SURF2: variants seen among roughly 807,000 people sequenced by gnomAD.
SURF2 encodes surfeit locus protein 2.
A neutral mutation model predicts 26.2 loss-of-function variants in SURF2; 32 were observed. That is an observed-to-expected ratio of 1.22 (90% CI 0.92 to 1.64). The LOEUF is 1.64. Ranked by LOEUF, SURF2 falls within the 40% of genes most tolerant of loss-of-function variation. SURF2 has a pLI of 0.00. For missense variants in SURF2, 415 were observed against 341.6 expected (o/e 1.21, Z -1.69); for synonymous variants, 173 against 139.1 (o/e 1.24, Z -1.71).
At position 133,357,700 on chromosome 9, in the gene SURF2, C is replaced by T. The variant is rs143699333; in HGVS notation, c.234-11C>T. On this transcript the variant is annotated splice_polypyrimidine_tract_variant and intron_variant, in intron 2 of 5. Transcript: ENST00000371964. Reference sequence around the variant, plus strand: ...AACTGTCCCTACAAATTTGGTCTCTCTGCTCTGTAGGCACCAGTTGTTCTG... The same window carrying T: ...AACTGTCCCTACAAATTTGGTCTCTTTGCTCTGTAGGCACCAGTTGTTCTG... 2 of 1,613,592 alleles carry T rather than the reference C, an allele frequency of 1.2e-6. No individual in the cohort carries two copies. Among genetic ancestry groups the T allele is most frequent in the African/African-American group, 2.7e-5 (2 of 75,064 alleles).
chr9:133,357,689 A>C, intron 2 of SURF2, 22 bp from the exon 3 acceptor site: 1 of 1,612,280 alleles, frequency 6.2e-7, no homozygotes, highest in South Asian at 1.1e-5. Context: ...GTCCCTACAA[A>C]TTTGGTCTCT....
chr9:133,356,981 G>A lies in SURF2; in HGVS notation c.146G>A (p.Gly49Asp). 2.5e-6 allele frequency: 4 copies of A among 1,571,712 alleles called. No individual in the cohort carries two copies. Among genetic ancestry groups the A allele is most frequent in the Non-Finnish European group, 3.5e-6 (4 of 1,159,116 alleles). Residue 49 changes from glycine (G) to aspartate (D), a missense_variant, in exon 2 of 6, where the codon GGC (glycine) becomes GAC (aspartate). Gly to Asp is a moderately conservative substitution (Grantham distance 94, BLOSUM62 -1). Transcript: ENST00000371964. Reference protein sequence around the residue: ...RLPELQVYTRGKKYQRLVRAS... With the variant: ...RLPELQVYTRDKKYQRLVRAS... The stretch of plus-strand genomic sequence containing the variant: ...CCGGAGCTCCAGGTCTACACCCGCG[G>A]CAAAAAGTACCAGCGGCTGGTCCGC...
At position 133,357,080 on chromosome 9, in the gene SURF2, G is replaced by C; in HGVS notation, c.233+12G>C. The C allele has an allele frequency of 1.3e-6, 2 of 1,551,920 alleles. No homozygotes were observed. Among genetic ancestry groups the C allele is most frequent in the Admixed American group, 1.9e-5 (1 of 51,978 alleles). ...AGCACCAAGAACCCGTAGGTGGTCC[G>C]CGGCGGCGCGGGGAGGCCCAGGGCA... is the stretch of plus-strand genomic sequence containing the variant. On this transcript the variant is annotated intron_variant, in intron 2 of 5. Transcript: ENST00000371964.
Position 133,360,099 on chromosome 9 carries a change from A to C in SURF2, c.487A>C (p.Ser163Arg). The C allele has an allele frequency of 6.2e-7, 1 of 1,613,062 alleles. No individual in the cohort carries two copies. Among genetic ancestry groups the C allele is most frequent in the South Asian group, 1.1e-5 (1 of 90,882 alleles). Residue 163 changes from serine (S) to arginine (R), a missense_variant, in exon 4 of 6, where the codon AGT (serine) becomes CGT (arginine). Physicochemically the swap from Ser to Arg is moderately radical, Grantham distance 110 (BLOSUM62 -1). Transcript: ENST00000371964. ...PTSSDEGGAA[S>R]DDSMTDLYPP... The stretch of plus-strand genomic sequence containing the variant: ...ATCCAGTGATGAGGGGGGAGCTGCA[A>C]GTGATGACAGCATGACAGACCTGTA...
rs2130047065 is a variant in SURF2 at position 133,360,053 on chromosome 9, G to A, written c.441G>A (p.Arg147=). 6.2e-7 allele frequency: 1 copy of A among 1,614,062 alleles called. No individual in the cohort carries two copies. The highest frequency in any genetic ancestry group is 8.5e-7 in the Non-Finnish European group (1 of 1,179,958). ...TGGACGGTGACGGGCCTCGCCCGCGGGAAGCCTTCTGGGAGCCCACATCCA... is the reference window on the plus strand; with the variant it reads ...TGGACGGTGACGGGCCTCGCCCGCGAGAAGCCTTCTGGGAGCCCACATCCA... The part of the protein sequence containing the change: ...DQMDGDGPRP[R]EAFWEPTSSD... The change falls in exon 4 of 6, where the codon CGG becomes CGA. Residue 147 remains arginine, a synonymous_variant. Transcript: ENST00000371964.
intron 3 of SURF2, among the ~76,000 whole-genome samples, chr9:133,358,990 C>T (rs1335615901): frequency 6.6e-6 from 1 of 152,186 alleles, no homozygotes; most frequent in Non-Finnish European, 1.5e-5. Context: ...GGGCACCTTG[C>T]AGAGGCCTTG....
Position 133,360,013 on chromosome 9 carries a change from G to A in SURF2, c.401G>A (p.Arg134Lys). The A allele has an allele frequency of 1.2e-6, 2 of 1,614,138 alleles. No individual in the cohort carries two copies. The highest frequency in any genetic ancestry group is 1.3e-5 in the African/African-American group (1 of 75,066). ...VPACLVHRRR[R>K]REDQMDGDGP... ...GCCTGCCTGGTGCACCGGAGGAGGA[G>A]GAGGGAGGACCAGATGGACGGTGAC... The change falls in exon 4 of 6, where the codon AGG becomes AAG. Residue 134 changes from arginine (R) to lysine (K), a missense_variant. Arg to Lys is a conservative substitution (Grantham distance 26). Transcript: ENST00000371964.
At chr9:133,356,758 A>G in intron 1 of SURF2, 88 bp downstream of exon 1, 7 of 572,676 alleles carry the variant, frequency 1.2e-5, no homozygotes, top group South Asian at 2.0e-5. Context: ...AGGAGAGGGC[A>G]GGGGAGAGGG....
chr9:133,359,224 C>T (rs1836685925), intron 3 of SURF2, among the ~76,000 whole-genome samples: 1 of 152,162 alleles, frequency 6.6e-6, no homozygotes, highest in Non-Finnish European at 1.5e-5. Flanking sequence ...TCTGCCTTCA[C>T]GTTCTGGTGG....
In SURF2 at chr9:133,360,071, C is replaced by T. The variant is rs1216121591; in HGVS notation, c.459C>T (p.Pro153=). Residue 153 remains proline (P), a synonymous_variant, in exon 4 of 6, where the codon CCC becomes CCT. Coordinates refer to ENST00000371964, the MANE Select transcript of SURF2 (RefSeq NM_017503.5). ...GPRPREAFWE[P]TSSDEGGAAS... ...GCCCGCGGGAAGCCTTCTGGGAGCC[C>T]ACATCCAGTGATGAGGGGGGAGCTG... The T allele has an allele frequency of 1.2e-6, 2 of 1,613,982 alleles. No homozygotes were observed. Among genetic ancestry groups the T allele is most frequent in the Non-Finnish European group, 1.7e-6 (2 of 1,179,920 alleles).
chr9:133,356,697 T>G, intron 1 of SURF2, 27 bp downstream of exon 1: 1 of 1,453,444 alleles, frequency 6.9e-7, no homozygotes, highest in Non-Finnish European at 9.0e-7. Flanking sequence ...GGGAACGGAG[T>G]GGCGGAGAAG....
chr9:133,358,148 G>A (rs2130038701), intron 3 of SURF2, among the ~76,000 whole-genome samples: 2 of 152,166 alleles, frequency 1.3e-5, no homozygotes, highest in East Asian at 1.9e-4. Flanking sequence ...GAGGCTGGAG[G>A]GATGTGGTGG....
At position 133,357,154 on chromosome 9, in the gene SURF2, C is replaced by T. The variant is rs2119090929; in HGVS notation, c.233+86C>T. The T allele has an allele frequency of 2.9e-6, 4 of 1,395,482 alleles. No homozygotes were observed. The East Asian group carries it at 8.6e-5, about 30-fold the overall frequency. 86.4% of individuals were successfully genotyped at this position (1,395,482 alleles called of 1,614,324 possible). A position where few individuals can be genotyped will look rare whatever the true frequency, so the allele number is the denominator to read the frequency against. ...CTCCGCCAGTGCTGCAGCCCCTACT[C>T]TTTCAGAGTTGGGAGCCCTGGGACC... On this transcript the variant is annotated intron_variant, in intron 2 of 5. Coordinates refer to ENST00000371964, the MANE Select transcript of SURF2 (RefSeq NM_017503.5).
intron 3 of SURF2, 145 bp from the exon 4 acceptor site, chr9:133,359,805 T>C: frequency 2.1e-6 from 2 of 969,030 alleles, no homozygotes; most frequent in Non-Finnish European, 3.0e-6. Context: ...GGAACAGAGC[T>C]GAGGCACCCA....
intron 3 of SURF2, among the ~76,000 whole-genome samples, chr9:133,358,731 G>C (rs1836674705): frequency 6.6e-6 from 1 of 152,206 alleles, no homozygotes. Flanking sequence ...CACCTGGCTA[G>C]AGTGGAGCGT....
intron 4 of SURF2, 30 bp downstream of exon 4, chr9:133,360,159 A>T: frequency 6.3e-7 from 1 of 1,591,398 alleles, no homozygotes; most frequent in Non-Finnish European, 8.6e-7. Flanking sequence ...CTTCTCCCTG[A>T]CCCTCTACTG....
In SURF2 at chr9:133,361,050, C is replaced by G; in HGVS notation, c.688-6C>G. ...CTCAGTAATCAGAATTTTGTTTATC[C>G]CACAGAAGCAGTTGGGCTCGTTGAA... On this transcript the variant is annotated splice_polypyrimidine_tract_variant and splice_region_variant and intron_variant, in intron 5 of 5. Coordinates refer to ENST00000371964, the MANE Select transcript of SURF2 (RefSeq NM_017503.5). The G allele has an allele frequency of 6.2e-7, 1 of 1,614,068 alleles. No individual in the cohort carries two copies. The highest frequency in any genetic ancestry group is 8.5e-7 in the Non-Finnish European group (1 of 1,179,964).
intron 3 of SURF2, 29 bp from the exon 4 acceptor site, chr9:133,359,921 T>C: frequency 6.3e-7 from 1 of 1,579,350 alleles, no homozygotes. Context: ...GGTGTGGAGG[T>C]ACCCAGCACG....
At position 133,356,718 on chromosome 9, in the gene SURF2, G is replaced by T. The variant is rs1836607038; in HGVS notation, c.78+48G>T. On this transcript the variant is annotated intron_variant, in intron 1 of 5. Transcript: ENST00000371964. ...GGAGTGGCGGAGAAGGGCGCAGTTG[G>T]GATGAGGGGCTGAGGGGAGGGCAGG... 5 of 1,485,680 alleles carry T rather than the reference G, an allele frequency of 3.4e-6. No homozygotes were observed. In the East Asian group the frequency reaches 1.3e-4, roughly 40 times the overall value. The allele number at this position is 1,485,680 out of a possible 1,614,324, so 92.0% of individuals were successfully genotyped here.
Sources: gnomAD v4.1 joint callset for allele counts (sites outside exome capture counted in the v4.1 genomes callset) on GRCh38, gnomAD v4.1.1 for gene constraint, MANE v1.5 for transcripts, NCBI Gene and HGNC (gene_info 2026-07-23, HGNC 2026-07-21) for gene names.